PDILT: variants seen among roughly 807,000 people sequenced by gnomAD.
The protein encoded by PDILT is protein disulfide-isomerase-like protein of the testis.
A neutral mutation model predicts 53.7 loss-of-function variants in PDILT; 43 were observed. The ratio of observed to expected loss-of-function variants is 0.80; its 90% CI spans 0.63 to 1.03. PDILT has a LOEUF of 1.03. Ranked by LOEUF, PDILT falls within the 50% of genes least tolerant of loss-of-function variation. PDILT has a pLI of 0.00. For missense variants in PDILT, 727 were observed against 712.3 expected, an observed-to-expected ratio of 1.02 and a Z score of -0.24; for synonymous variants, 282 against 274.2, an observed-to-expected ratio of 1.03 and a Z score of -0.28.
intron 2 of PDILT, among the ~76,000 whole-genome samples, chr16:20,388,097 G>A (rs1345811717): frequency 6.6e-6 from 1 of 152,002 alleles, no homozygotes; most frequent in African/African-American, 2.4e-5. Flanking sequence ...AAGAGTCAAG[G>A]GTGTCTCTGA....
At chr16:20,403,013 G>A (rs967187576) in intron 1 of PDILT, among the ~76,000 whole-genome samples, 7 of 152,216 alleles carry the variant, frequency 4.6e-5, no homozygotes, top group Non-Finnish European at 1.0e-4. Flanking sequence ...CCTACTCAGA[G>A]GAGAGTGGCT....
At chr16:20,372,975 C>A (rs1283321163) in intron 6 of PDILT, 37 bp downstream of exon 6, 1 of 1,613,450 alleles carries the variant, frequency 6.2e-7, no homozygotes, top group Non-Finnish European at 8.5e-7. Flanking sequence ...ACAGTGGCCC[C>A]AGCTCCCCTT....
chr16:20,372,999 T>C lies in PDILT; in HGVS notation c.792+13A>G, dbSNP rs1322006971. On this transcript the variant is annotated intron_variant, in intron 6 of 11. Coordinates refer to ENST00000302451, the MANE Select transcript of PDILT (RefSeq NM_174924.2). ...CCAGCTCCCCTTCCTCCGGGGACCA[T>C]TTACTCACTGACCTCAGTGTTGTAT... is the stretch of plus-strand genomic sequence containing the variant. 1 of 1,613,848 alleles carries C rather than the reference T, an allele frequency of 6.2e-7. No individual in the cohort carries two copies. Among genetic ancestry groups the C allele is most frequent in the Non-Finnish European group, 8.5e-7 (1 of 1,179,746 alleles).
At position 20,360,675 on chromosome 16, in the gene PDILT, C is replaced by G; in HGVS notation, c.1417-18G>C. The stretch of plus-strand genomic sequence containing the variant: ...AGGACAGCCTAGGATGAAAATGGAA[C>G]AGGGTCAGGATGGGATCCTCTTCCC... On this transcript the variant is annotated intron_variant, in intron 10 of 11. Transcript: ENST00000302451. The G allele has an allele frequency of 6.3e-7, 1 of 1,576,980 alleles. No homozygotes were observed. The highest frequency in any genetic ancestry group is 1.7e-5 in the Admixed American group (1 of 59,960).
intron 3 of PDILT, 39 bp downstream of exon 3, chr16:20,384,606 C>T (rs1966506084): frequency 6.2e-7 from 1 of 1,612,008 alleles, no homozygotes; most frequent in Non-Finnish European, 8.5e-7. Flanking sequence ...GTGGACTTTC[C>T]ATGAGCATGA....
rs764688950 is a variant in PDILT, at chr16:20,362,508, A to C, written c.1312T>G (p.Ser438Ala). The part of the protein sequence containing the change: ...EELGRKYQNH[S>A]TIIIAKIDVT... ...TCGATCTTGGCAATGATAATTGTGG[A>C]GTGGTTTTGATATTTTCTGCCCAAT... Residue 438 changes from serine (S) to alanine (A), a missense_variant, in exon 10 of 12, where the codon TCC becomes GCC. Coordinates refer to ENST00000302451, the MANE Select transcript of PDILT (RefSeq NM_174924.2). The C allele has an allele frequency of 6.2e-7, 1 of 1,614,002 alleles. No homozygotes were observed. Among genetic ancestry groups the C allele is most frequent in the Non-Finnish European group, 8.5e-7 (1 of 1,179,998 alleles).
chr16:20,372,928 C>T lies in PDILT; in HGVS notation c.793-1G>A. 6.2e-7 allele frequency: 1 copy of T among 1,614,058 alleles called. No homozygotes were observed. The highest frequency in any genetic ancestry group is 1.3e-5 in the African/African-American group (1 of 75,018). On this transcript the variant is annotated splice_acceptor_variant, in intron 6 of 11. Coordinates refer to ENST00000302451, the MANE Select transcript of PDILT (RefSeq NM_174924.2). LOFTEE classifies it high-confidence loss of function. ...GCAACTCGGAAATCAGATCCTTATT[C>T]TGAAATGACCAGGAAAATATGTCAT...
intron 9 of PDILT, 99 bp from the exon 10 acceptor site, chr16:20,362,681 G>T: frequency 8.5e-7 from 1 of 1,170,466 alleles, no homozygotes; most frequent in Non-Finnish European, 1.2e-6. Context: ...TTGTGGTCCT[G>T]CTGTTTTGCC....
At chr16:20,388,555 C>G (rs1160833953) in intron 2 of PDILT, among the ~76,000 whole-genome samples, 1 of 152,194 alleles carries the variant, frequency 6.6e-6, no homozygotes. Flanking sequence ...CAGAGACAAC[C>G]TACACAGCCA....
chr16:20,390,452 G>A (rs1203085903), intron 2 of PDILT, among the ~76,000 whole-genome samples: 1 of 152,054 alleles, frequency 6.6e-6, no homozygotes, highest in Non-Finnish European at 1.5e-5. Flanking sequence ...TACCTTTCCA[G>A]GGAGGCTGTC....
intron 4 of PDILT, among the ~76,000 whole-genome samples, chr16:20,375,519 C>A (rs536802581): frequency 5.3e-5 from 8 of 152,052 alleles, no homozygotes; most frequent in Non-Finnish European, 1.0e-4. Context: ...TCTCCTAAAG[C>A]AAAAACAATT....
At chr16:20,378,920 T>G (rs1306044145) in intron 3 of PDILT, among the ~76,000 whole-genome samples, 1 of 152,216 alleles carries the variant, frequency 6.6e-6, no homozygotes, top group Non-Finnish European at 1.5e-5. Flanking sequence ...AGCCACAGTT[T>G]TTCATGTACT....
chr16:20,371,497 A>G (rs1966305465), intron 7 of PDILT, among the ~76,000 whole-genome samples: 1 of 152,250 alleles, frequency 6.6e-6, no homozygotes, highest in Non-Finnish European at 1.5e-5. Context: ...GTGTACTTTC[A>G]ATAAATATTT....
intron 1 of PDILT, among the ~76,000 whole-genome samples, chr16:20,404,153 T>C (rs1966784362): frequency 6.6e-6 from 1 of 152,218 alleles, no homozygotes; most frequent in Non-Finnish European, 1.5e-5. Flanking sequence ...CAATGAATGT[T>C]TGTTGAATGA....
intron 3 of PDILT, among the ~76,000 whole-genome samples, chr16:20,383,563 C>G (rs1966491178): frequency 6.6e-6 from 1 of 151,736 alleles, no homozygotes; most frequent in Admixed American, 6.6e-5. Context: ...TTCTCTGGGT[C>G]TATCCTGTGT....
At chr16:20,366,413 G>T (rs75044573) in intron 8 of PDILT, among the ~76,000 whole-genome samples, 1 of 151,996 alleles carries the variant, frequency 6.6e-6, no homozygotes, top group Non-Finnish European at 1.5e-5. Context: ...GACCCTCCCC[G>T]CATCTAGATG....
Position 20,365,501 on chromosome 16 carries a change from G to T in PDILT, c.1156C>A (p.Gln386Lys). 1 of 1,613,934 alleles carries T rather than the reference G, an allele frequency of 6.2e-7. No individual in the cohort carries two copies. The highest frequency in any genetic ancestry group is 8.5e-7 in the Non-Finnish European group (1 of 1,179,852). Reference protein sequence around the residue: ...SSEEIPKYWDQGLVKQLVGKN... With the variant: ...SSEEIPKYWDKGLVKQLVGKN... ...CCCACGAGCTGCTTAACCAGTCCCTGGTCCCAGTATTTTGGAATCTCTTCA... is the reference window on the plus strand; with the variant it reads ...CCCACGAGCTGCTTAACCAGTCCCTTGTCCCAGTATTTTGGAATCTCTTCA... The change falls in exon 9 of 12, where the codon CAG becomes AAG. Residue 386 changes from glutamine to lysine, a missense_variant. Coordinates refer to ENST00000302451, the MANE Select transcript of PDILT (RefSeq NM_174924.2).
chr16:20,385,003 A>G (rs747517957), intron 2 of PDILT, 152 bp from the exon 3 acceptor site: 48 of 731,378 alleles, frequency 6.6e-5, no homozygotes, highest in Non-Finnish European at 9.7e-5. Flanking sequence ...GATGTGAGAC[A>G]CAATGGTTCA....
chr16:20,394,322 C>A (rs182187769), intron 2 of PDILT, among the ~76,000 whole-genome samples: 1 of 152,342 alleles, frequency 6.6e-6, no homozygotes, highest in African/African-American at 2.4e-5. Context: ...GGCTGCCTCT[C>A]AGCCTGCCCA....
Sources: allele counts gnomAD v4.1 joint callset (sites outside exome capture counted in the v4.1 genomes callset), GRCh38; gene constraint gnomAD v4.1.1; transcripts MANE v1.5; gene names NCBI Gene and HGNC (gene_info 2026-07-23, HGNC 2026-07-21).